The following ABAT variants were observed in gnomAD, a reference collection of about 807,000 sequenced individuals.
ABAT encodes the protein 4-aminobutyrate aminotransferase, also known as 4-aminobutyrate aminotransferase, mitochondrial.
A neutral mutation model predicts 64.6 loss-of-function variants in ABAT; 45 were observed. The ratio of observed to expected loss-of-function variants is 0.70; its 90% CI spans 0.55 to 0.89. ABAT has a LOEUF of 0.89. Ranked by LOEUF, ABAT falls within the 40% of genes least tolerant of loss-of-function variation. The pLI is 0.00. For synonymous variants in ABAT, 297 were observed against 250.5 expected (o/e 1.19, Z -1.75); for missense variants, 633 against 658.4 (o/e 0.96, Z 0.42).
At chr16:8,706,419 AAAAAG>A (rs1326828395) in intron 1 of ABAT, among the ~76,000 whole-genome samples, 3 of 148,054 alleles carry the variant, frequency 2.0e-5, no homozygotes, top group Non-Finnish European at 4.5e-5. Context: ...AAAAAAAAAA[AAAAAG>A]AAAAGACCAG....
intron 1 of ABAT, among the ~76,000 whole-genome samples, chr16:8,704,419 G>C (rs562317309): frequency 2.0e-5 from 3 of 152,286 alleles, no homozygotes; most frequent in Non-Finnish European, 2.9e-5. Context: ...GTATCTCTGT[G>C]CCTATTATTT....
At chr16:8,748,706 GT>G (rs1343361433) in intron 4 of ABAT, among the ~76,000 whole-genome samples, 1 of 151,976 alleles carries the variant, frequency 6.6e-6, no homozygotes, top group African/African-American at 2.4e-5. Context: ...TCAGGGCTCT[GT>G]TTTTGGGTGC....
At chr16:8,779,634 A>G (rs1362990493) in intron 15 of ABAT, 44 bp downstream of exon 15, 2 of 1,521,746 alleles carry the variant, frequency 1.3e-6, no homozygotes, top group South Asian at 2.3e-5. Context: ...AGCATCCAGT[A>G]TCTCCTGCTG....
chr16:8,757,341 T>C (rs1020701815), intron 5 of ABAT: 35 of 359,976 alleles, frequency 9.7e-5, no homozygotes, highest in Admixed American at 9.6e-4. Flanking sequence ...CTAATTTTTG[T>C]ATTTTTAGTA....
At chr16:8,726,358 T>A (rs2058556556) in intron 1 of ABAT, among the ~76,000 whole-genome samples, 1 of 143,984 alleles carries the variant, frequency 6.9e-6, no homozygotes, top group Admixed American at 7.6e-5. Context: ...CCTCCCGGGT[T>A]CAAGCGATTC....
Position 8,776,598 on chromosome 16 carries a change from G to A in ABAT, c.1269+108G>A. 2.5e-6 allele frequency: 3 copies of A among 1,208,362 alleles called. No individual in the cohort carries two copies. The highest frequency in any genetic ancestry group is 2.7e-4 in the Middle Eastern group (1 of 3,750). The allele number at this position is 1,208,362 out of a possible 1,614,324, so 74.9% of individuals were successfully genotyped here. On this transcript the variant is annotated intron_variant, in intron 14 of 15. Coordinates refer to ENST00000268251, the MANE Select transcript of ABAT (RefSeq NM_020686.6). The surrounding 1 kb of genome is among the most constrained non-coding windows in gnomAD (Gnocchi z 4.4). ...TGGTGTTGTGCCTGCTGTTCCAGCA[G>A]TTCGTAACGGGCTGTGCTGCTCCTA...
chr16:8,722,324 T>C (rs1197153571), intron 1 of ABAT, among the ~76,000 whole-genome samples: 2 of 152,214 alleles, frequency 1.3e-5, no homozygotes, highest in African/African-American at 4.8e-5. Flanking sequence ...TATTTTTCTT[T>C]GTAGAGACAG....
rs2060426694 is a variant in ABAT, at chr16:8,781,177, C to CATGATGGAGG, written c.1382-123_1382-114dup. 7 of 1,456,092 alleles carry CATGATGGAGG rather than the reference C, an allele frequency of 4.8e-6. No homozygotes were observed. The African/African-American group carries it at 7.3e-5, about 15-fold the overall frequency. The allele number at this position is 1,456,092 out of a possible 1,614,324, so 90.2% of individuals were successfully genotyped here. On this transcript the variant is annotated intron_variant, in intron 15 of 15. Coordinates refer to ENST00000268251, the MANE Select transcript of ABAT (RefSeq NM_020686.6). The surrounding 1 kb of genome is among the most constrained non-coding windows in gnomAD (Gnocchi z 4.5). ...GTGGTAGGAAGGAAGCCCGGGCTTCCATGATGGAGGATGATGGATGGATGG... is the reference window on the plus strand; with the variant it reads ...GTGGTAGGAAGGAAGCCCGGGCTTCCATGATGGAGGATGATGGAGGATGATGGATGGATGG...
At chr16:8,693,993 TC>T (rs2057643623) in intron 1 of ABAT, among the ~76,000 whole-genome samples, 7 of 151,960 alleles carry the variant, frequency 4.6e-5, no homozygotes, top group Admixed American at 4.6e-4. Flanking sequence ...ATACAGTCCA[TC>T]CATTTTAATT....
intron 1 of ABAT, among the ~76,000 whole-genome samples, chr16:8,681,405 G>A (rs1248543330): frequency 6.7e-6 from 1 of 149,924 alleles, no homozygotes; most frequent in African/African-American, 2.5e-5. Flanking sequence ...AATACCACCA[G>A]TTCCTGCCTA....
chr16:8,746,035 C>G lies in ABAT; in HGVS notation c.105C>G (p.Val35=). 1 of 1,613,908 alleles carries G rather than the reference C, an allele frequency of 6.2e-7. No individual in the cohort carries two copies. Among genetic ancestry groups the G allele is most frequent in the Non-Finnish European group, 8.5e-7 (1 of 1,179,978 alleles). Residue 35 remains valine (V), a synonymous_variant, in exon 3 of 16, where the codon GTC becomes GTG. Transcript: ENST00000268251. ...ACATTAGTCAAGCTGCAGCCAAAGT[C>G]GACGTTGAATTTGATTATGATGGGC... ...SRHISQAAAK[V]DVEFDYDGPL...
intron 1 of ABAT, among the ~76,000 whole-genome samples, chr16:8,719,266 A>G (rs1170424013): frequency 6.6e-6 from 1 of 152,194 alleles, no homozygotes; most frequent in Non-Finnish European, 1.5e-5. Context: ...CTACTTCAGC[A>G]TGGGTCCAAG....
chr16:8,702,775 T>C (rs1471287920), intron 1 of ABAT, among the ~76,000 whole-genome samples: 1 of 152,158 alleles, frequency 6.6e-6, no homozygotes, highest in Non-Finnish European at 1.5e-5. Flanking sequence ...GAGGGAGGAC[T>C]GGTGTGATGT....
chr16:8,769,739 C>T (rs952883491), intron 11 of ABAT, among the ~76,000 whole-genome samples: 4 of 152,144 alleles, frequency 2.6e-5, no homozygotes, highest in Admixed American at 1.3e-4. Flanking sequence ...CAGCACCCCC[C>T]TACCCCCCGT....
chr16:8,740,976 G>T (rs993186604), intron 2 of ABAT, among the ~76,000 whole-genome samples: 11 of 152,224 alleles, frequency 7.2e-5, no homozygotes, highest in African/African-American at 2.7e-4. Flanking sequence ...AGCTTTGGCT[G>T]TTTGGGAACA....
chr16:8,733,132 C>T (rs1172951396), intron 1 of ABAT, among the ~76,000 whole-genome samples: 3 of 150,198 alleles, frequency 2.0e-5, no homozygotes, highest in African/African-American at 5.0e-5. Context: ...GGCTGACCCC[C>T]CCCCACCTCC....
chr16:8,697,826 G>A (rs1426106071), intron 1 of ABAT, among the ~76,000 whole-genome samples: 1 of 152,044 alleles, frequency 6.6e-6, no homozygotes, highest in Non-Finnish European at 1.5e-5. Flanking sequence ...TAGTAGAGAA[G>A]GGGTTTCACC....
intron 1 of ABAT, among the ~76,000 whole-genome samples, chr16:8,702,028 G>A (rs1010369458): frequency 9.2e-5 from 14 of 152,286 alleles, no homozygotes; most frequent in South Asian, 2.1e-4. Flanking sequence ...GTCACTCTGC[G>A]ATGGGGGTGT....
intron 1 of ABAT, among the ~76,000 whole-genome samples, chr16:8,710,727 A>AGAGAGAGAGAGAGAGGGAGGGAGG (rs146344975): frequency 9.6e-6 from 1 of 103,698 alleles, no homozygotes; most frequent in Non-Finnish European, 2.1e-5. Flanking sequence ...AGAGAGAGAG[A>AGAGAGAGAGAGAGAGGGAGGGAGG]GAGGAAATAG....
Sources: gnomAD v4.1 joint callset for allele counts (sites outside exome capture counted in the v4.1 genomes callset) on GRCh38, gnomAD v4.1.1 for gene constraint, Gnocchi (gnomAD v3.1) non-coding constraint, MANE v1.5 for transcripts, NCBI Gene and HGNC (gene_info 2026-07-23, HGNC 2026-07-21) for gene names.